Variants in USP32 observed in about 807,000 individuals in gnomAD.
The protein encoded by USP32 is ubiquitin carboxyl-terminal hydrolase 32.
In USP32, 59 loss-of-function variants were observed where a neutral mutation model predicts 204.8. The observed-to-expected ratio is 0.29, with a 90% CI of 0.23 to 0.36. The LOEUF (loss-of-function observed/expected upper bound fraction) is 0.36. Among genes scored for constraint, USP32 ranks in the 10% least tolerant of loss-of-function variants. USP32 has a pLI of 1.00. For synonymous variants in USP32, 517 were observed against 678.4 expected (o/e 0.76, Z 3.70); for missense variants, 1,160 against 1,946.4 (o/e 0.60, Z 7.60).
At chr17:60,365,794 T>G (rs182975079) in intron 1 of USP32, among the ~76,000 whole-genome samples, 3 of 152,142 alleles carry the variant, frequency 2.0e-5, no homozygotes, top group African/African-American at 7.2e-5. Flanking sequence ...CCAAAAATAA[T>G]GCCCAGAACA....
At chr17:60,223,746 T>C (rs566062499) in intron 13 of USP32, among the ~76,000 whole-genome samples, 160 bp from the exon 14 acceptor site, 1 of 152,310 alleles carries the variant, frequency 6.6e-6, no homozygotes, top group South Asian at 2.1e-4. Flanking sequence ...ATGTTATCCT[T>C]CTCTGAACAA....
chr17:60,245,003 C>A (rs1264347744), intron 11 of USP32, among the ~76,000 whole-genome samples: 1 of 152,228 alleles, frequency 6.6e-6, no homozygotes, highest in Non-Finnish European at 1.5e-5. Flanking sequence ...AGTGTAGAAA[C>A]TAAAACATAG....
intron 1 of USP32, among the ~76,000 whole-genome samples, chr17:60,355,878 G>T (rs1275372932): frequency 9.9e-5 from 8 of 80,564 alleles, no homozygotes; most frequent in East Asian, 3.9e-4. Flanking sequence ...AAGAATGGCT[G>T]AACCTCTGTA....
rs957822537 is a variant in USP32, at chr17:60,214,493, T to C, written c.2022+127A>G. ...ATATGATTTAACACTTAATTAGCCT[T>C]GTGCTCTTTGGCAACATATGTACTA... On this transcript the variant is annotated intron_variant, in intron 17 of 33. Coordinates refer to ENST00000300896, the MANE Select transcript of USP32 (RefSeq NM_032582.4). 5.8e-5 allele frequency: 45 copies of C among 777,852 alleles called. No individual in the cohort carries two copies. The Admixed American group carries it at 1.2e-3, about 22-fold the overall frequency. 48.2% of individuals were successfully genotyped at this position (777,852 alleles called of 1,614,324 possible).
intron 12 of USP32, among the ~76,000 whole-genome samples, chr17:60,229,333 C>A (rs994188220): frequency 1.3e-5 from 2 of 152,074 alleles, no homozygotes; most frequent in Non-Finnish European, 2.9e-5. Context: ...ATGAGTCACC[C>A]GGCCAAAGGC....
intron 1 of USP32, among the ~76,000 whole-genome samples, chr17:60,363,744 C>T (rs1381683089): frequency 6.6e-6 from 1 of 151,804 alleles, no homozygotes; most frequent in African/African-American, 2.4e-5. Context: ...AGCAATCCTC[C>T]CACCTCAGCC....
intron 7 of USP32, among the ~76,000 whole-genome samples, chr17:60,268,462 A>C (rs2086650175): frequency 6.6e-6 from 1 of 151,198 alleles, no homozygotes; most frequent in Admixed American, 6.6e-5. Context: ...AGTCCCAGCT[A>C]CCTAGGAGGC....
In USP32 at chr17:60,219,666, A is replaced by G. The variant is rs763253053; in HGVS notation, c.1867+4T>C. The G allele has an allele frequency of 6.2e-7, 1 of 1,606,302 alleles. No individual in the cohort carries two copies. The highest frequency in any genetic ancestry group is 8.5e-7 in the Non-Finnish European group (1 of 1,178,616). On this transcript the variant is annotated splice_donor_region_variant and intron_variant, in intron 16 of 33. Transcript: ENST00000300896. Reference sequence around the variant, plus strand: ...CTGAGGAAACATTCTCAGGCTCATCATACCCATATTCACCCAGATGTTAGA... The same window carrying G: ...CTGAGGAAACATTCTCAGGCTCATCGTACCCATATTCACCCAGATGTTAGA...
intron 10 of USP32, 104 bp from the exon 11 acceptor site, chr17:60,252,546 T>C: frequency 1.3e-6 from 1 of 795,106 alleles, no homozygotes; most frequent in Non-Finnish European, 2.0e-6. Context: ...GCAACAGTTT[T>C]CAACTCATGA....
chr17:60,249,766 T>C lies in USP32; in HGVS notation c.1136+2615A>G, dbSNP rs916987116. The C allele has an allele frequency of 1.7e-5, 12 of 700,712 alleles. No homozygotes were observed. The African/African-American group carries it at 2.1e-4, about 12-fold the overall frequency. 43.4% of individuals were successfully genotyped at this position (700,712 alleles called of 1,614,324 possible). A position where few individuals can be genotyped will look rare whatever the true frequency, so the allele number is the denominator to read the frequency against. Reference sequence around the variant, plus strand: ...AGTTTCCAGAGTCCTGAAATGGTTGTTTGACAATTTTGTTCAGTTTTTTAA... The same window carrying C: ...AGTTTCCAGAGTCCTGAAATGGTTGCTTGACAATTTTGTTCAGTTTTTTAA... On this transcript the variant is annotated intron_variant, in intron 11 of 33. Transcript: ENST00000300896.
Position 60,190,575 on chromosome 17 carries a change from T to C in USP32, c.3630A>G (p.Thr1210=). 1 of 1,584,084 alleles carries C rather than the reference T, an allele frequency of 6.3e-7. No individual in the cohort carries two copies. The highest frequency in any genetic ancestry group is 8.5e-7 in the Non-Finnish European group (1 of 1,171,470). Reference sequence around the variant, plus strand: ...CCTAAATACTTACCCTTTCCTGGGATGTTTGATAGCGAAGGTGAAGGGCTG... The same window carrying C: ...CCTAAATACTTACCCTTTCCTGGGACGTTTGATAGCGAAGGTGAAGGGCTG... ...DPTALHLRYQ[T]SQERVVDEHE... is the part of the protein sequence containing the mutation. Residue 1210 remains threonine (T), a synonymous_variant, in exon 29 of 34, where the codon ACA becomes ACG. Coordinates refer to ENST00000300896, the MANE Select transcript of USP32 (RefSeq NM_032582.4).
chr17:60,357,427 T>C (rs564469799), intron 1 of USP32, among the ~76,000 whole-genome samples: 1 of 152,110 alleles, frequency 6.6e-6, no homozygotes, highest in Non-Finnish European at 1.5e-5. Context: ...CACTCCAGCC[T>C]GGGCAACAGA....
intron 9 of USP32, among the ~76,000 whole-genome samples, chr17:60,259,443 C>T (rs540123979): frequency 5.3e-4 from 80 of 151,918 alleles, no homozygotes; most frequent in Admixed American, 8.5e-4. Context: ...TGTGGATATA[C>T]GTGTGAGCGC....
At chr17:60,199,193 C>CTGTT (rs1348289209) in intron 26 of USP32, among the ~76,000 whole-genome samples, 19 of 150,990 alleles carry the variant, frequency 1.3e-4, no homozygotes, top group African/African-American at 4.6e-4. Flanking sequence ...TAGGGATAAG[C>CTGTT]TGTTGATAGT....
chr17:60,223,635 T>C (rs1368463327), intron 13 of USP32, 49 bp from the exon 14 acceptor site: 2 of 1,518,234 alleles, frequency 1.3e-6, no homozygotes, highest in African/African-American at 1.4e-5. Flanking sequence ...TTATTATACA[T>C]AAACAGGCTT....
chr17:60,185,648 C>T lies in USP32; in HGVS notation c.3646G>A (p.Val1216Ile), dbSNP rs1421345552. Reference protein sequence around the residue: ...LRYQTSQERVVDEHESVEQSR... With the variant: ...LRYQTSQERVIDEHESVEQSR... ...TGCTCCACACTCTCATGCTCATCTA[C>T]AACCTGCAGGTAGAGGGAACAGGAG... Residue 1216 changes from valine (V) to isoleucine (I), a missense_variant, in exon 30 of 34, where the codon GTA (valine) becomes ATA (isoleucine). Coordinates refer to ENST00000300896, the MANE Select transcript of USP32 (RefSeq NM_032582.4). 2.4e-5 allele frequency: 39 copies of T among 1,609,386 alleles called. No homozygotes were observed. The highest frequency in any genetic ancestry group is 3.1e-5 in the Non-Finnish European group (37 of 1,177,682).
At chr17:60,242,340 T>C (rs2085900292) in intron 11 of USP32, among the ~76,000 whole-genome samples, 1 of 152,182 alleles carries the variant, frequency 6.6e-6, no homozygotes, top group South Asian at 2.1e-4. Flanking sequence ...CTTTCTCTAC[T>C]GAATTTTCTT....
chr17:60,306,897 T>C (rs546105148), intron 2 of USP32, among the ~76,000 whole-genome samples: 21 of 151,954 alleles, frequency 1.4e-4, no homozygotes, highest in Admixed American at 5.2e-4. Flanking sequence ...GTAAACAATC[T>C]AAAAAAGAAA....
chr17:60,218,029 G>A (rs2085148664), intron 16 of USP32, among the ~76,000 whole-genome samples: 1 of 152,124 alleles, frequency 6.6e-6, no homozygotes, highest in Non-Finnish European at 1.5e-5. Flanking sequence ...CAGCCACCAT[G>A]CCCAGCCTCA....
Sources: allele counts gnomAD v4.1 joint callset (sites outside exome capture counted in the v4.1 genomes callset), GRCh38; gene constraint gnomAD v4.1.1; transcripts MANE v1.5; gene names NCBI Gene and HGNC (gene_info 2026-07-23, HGNC 2026-07-21).